RHOBTB2: variants seen among roughly 807,000 people sequenced by gnomAD.
RHOBTB2 encodes the protein rho-related BTB domain-containing protein 2.
Under a neutral mutation model 66.5 loss-of-function variants are expected in RHOBTB2, and 39 were observed. The ratio of observed to expected loss-of-function variants is 0.59; its 90% CI spans 0.45 to 0.77. RHOBTB2 has a LOEUF of 0.77. Ranked by LOEUF, RHOBTB2 falls within the 30% of genes least tolerant of loss-of-function variation. RHOBTB2 has a pLI of 0.00. For synonymous variants in RHOBTB2, 390 were observed against 395.0 expected (o/e 0.99, Z 0.15); for missense variants, 755 against 999.1 (o/e 0.76, Z 3.29).
rs1810960828 is a variant in RHOBTB2, at chr8:23,006,720, C to T, written c.483-8C>T. On this transcript the variant is annotated splice_polypyrimidine_tract_variant and splice_region_variant and intron_variant, in intron 4 of 9. Transcript: ENST00000251822. The surrounding 1 kb of genome is among the most constrained non-coding windows in gnomAD (Gnocchi z 6.1). ...ACACAAGCTTGGTTTCCTTCTTGAA[C>T]CTACCAGGCCCATCAAACCTAATGA... is the stretch of plus-strand genomic sequence containing the variant. 6.3e-7 allele frequency: 1 copy of T among 1,599,242 alleles called. No homozygotes were observed. The highest frequency in any genetic ancestry group is 8.5e-7 in the Non-Finnish European group (1 of 1,170,022).
At chr8:22,957,726 A>T in the RHOBTB2 span, among the ~76,000 whole-genome samples, 1 of 152,220 alleles carries the variant, frequency 6.6e-6, no homozygotes, top group African/African-American at 2.4e-5. Flanking sequence ...CAAAGCTTAT[A>T]TACCTTCTAA....
chr8:22,957,049 T>G, the RHOBTB2 span, among the ~76,000 whole-genome samples: 4 of 152,256 alleles, frequency 2.6e-5, no homozygotes, highest in Non-Finnish European at 1.5e-5. Flanking sequence ...CATCCTTAGT[T>G]AGCCCTAGTC....
At chr8:22,983,921 A>G (rs1398467915), upstream of RHOBTB2, among the ~76,000 whole-genome samples, 1 of 152,092 alleles carries the variant, frequency 6.6e-6, no homozygotes, top group African/African-American at 2.4e-5. Flanking sequence ...TTTTTAGTAG[A>G]GACGGGGTTT....
In RHOBTB2 at chr8:23,004,422, C is replaced by T. The variant is rs1243403806; in HGVS notation, c.-10-3C>T. 4 of 1,613,902 alleles carry T rather than the reference C, an allele frequency of 2.5e-6. No homozygotes were observed. The South Asian group carries it at 4.4e-5, about 18-fold the overall frequency. On this transcript the variant is annotated splice_region_variant and splice_polypyrimidine_tract_variant and intron_variant, in intron 1 of 9. Coordinates refer to ENST00000251822, the MANE Select transcript of RHOBTB2 (RefSeq NM_015178.3). The surrounding 1 kb of genome is among the most constrained non-coding windows in gnomAD (Gnocchi z 6.4). ...TCCTGACCGCCTCCCTCCTCTCCCT[C>T]AGGTCCCGTTTAATGGATTCTGACA...
Position 23,007,129 on chromosome 8 carries a change from T to C in RHOBTB2, c.884T>C (p.Leu295Pro). 1 of 1,609,248 alleles carries C rather than the reference T, an allele frequency of 6.2e-7. No individual in the cohort carries two copies. The change falls in exon 5 of 10, where the codon CTG (leucine) becomes CCG (proline). Residue 295 changes from leucine (L) to proline (P), a missense_variant. By Grantham distance (98) the Leu-to-Pro change is moderately conservative (BLOSUM62 -3). This residue lies in a region of RHOBTB2 where 247 missense variants were observed against 238.9 expected (regional missense o/e 1.03). Coordinates refer to ENST00000251822, the MANE Select transcript of RHOBTB2 (RefSeq NM_015178.3). ...ACCTCTTCCTCCAAGTTCTATGACC[T>C]GTTCCTCATGGACCTGAGTGAGGGG... ...LSTSSSKFYD[L>P]FLMDLSEGEL...
At chr8:22,979,688 G>C in the RHOBTB2 span, among the ~76,000 whole-genome samples, 4 of 149,218 alleles carry the variant, frequency 2.7e-5, no homozygotes, top group Admixed American at 6.6e-5. Context: ...CAAATTATGG[G>C]AATTCTTTTT....
In RHOBTB2 at chr8:23,006,672, C is replaced by G. The variant is rs1810959031; in HGVS notation, c.483-56C>G. ...AGAGTCCCTCCAGCCTGTGGAAGAACAGGCAGCCTCCCTCCACCACCAACA... is the reference window on the plus strand; with the variant it reads ...AGAGTCCCTCCAGCCTGTGGAAGAAGAGGCAGCCTCCCTCCACCACCAACA... On this transcript the variant is annotated intron_variant, in intron 4 of 9. Transcript: ENST00000251822. The surrounding 1 kb of genome is among the most constrained non-coding windows in gnomAD (Gnocchi z 6.1). The G allele has an allele frequency of 6.6e-7, 1 of 1,520,468 alleles. No individual in the cohort carries two copies. Among genetic ancestry groups the G allele is most frequent in the South Asian group, 1.2e-5 (1 of 80,670 alleles). 94.2% of individuals were successfully genotyped at this position (1,520,468 alleles called of 1,614,324 possible).
At chr8:22,987,250 C>T (rs1000241315), upstream of RHOBTB2, among the ~76,000 whole-genome samples, 1 of 152,158 alleles carries the variant, frequency 6.6e-6, no homozygotes, top group Non-Finnish European at 1.5e-5. Context: ...GCTCACCTGG[C>T]CAAAGATGGG....
chr8:22,986,803 C>A (rs187206823), upstream of RHOBTB2, among the ~76,000 whole-genome samples: 2 of 152,294 alleles, frequency 1.3e-5, no homozygotes, highest in African/African-American at 4.8e-5. Flanking sequence ...GCATAATGGC[C>A]AGTCTAGATT....
intron 3 of RHOBTB2, among the ~76,000 whole-genome samples, 173 bp downstream of exon 3, chr8:23,005,648 G>T (rs1810925774): frequency 6.6e-6 from 1 of 152,188 alleles, no homozygotes; most frequent in Admixed American, 6.5e-5. Context: ...GGGAGCCTGG[G>T]TCCGGGATCA....
At chr8:22,987,482 C>T (rs1054013232) in exon 1 of RHOBTB2, 1 of 152,358 alleles carries the variant, frequency 6.6e-6, no homozygotes, top group Non-Finnish European at 1.5e-5. Flanking sequence ...TGTGTTGTTT[C>T]TTCCTGCAGA....
chr8:22,988,677 A>G (rs2128795662), intron 1 of RHOBTB2, among the ~76,000 whole-genome samples: 1 of 152,246 alleles, frequency 6.6e-6, no homozygotes, highest in Non-Finnish European at 1.5e-5. Context: ...GGCTTACTGT[A>G]GGAATTCCTT....
the RHOBTB2 span, among the ~76,000 whole-genome samples, chr8:22,979,742 C>CTTTTTTTTTTTTTTTTTT: frequency 4.8e-5 from 4 of 84,094 alleles, no homozygotes; most frequent in Admixed American, 1.4e-4. Context: ...TCTTTTCTTT[C>CTTTTTTTTTTTTTTTTTT]TTTTTTTTTT....
At chr8:22,959,158 G>C in the RHOBTB2 span, among the ~76,000 whole-genome samples, 8 of 152,326 alleles carry the variant, frequency 5.3e-5, no homozygotes, top group African/African-American at 1.9e-4. Flanking sequence ...GCCTGCCATA[G>C]CATTCTCCCT....
Position 23,007,736 on chromosome 8 carries a change from C to T in RHOBTB2, c.1491C>T (p.Gly497=). Residue 497 remains glycine (G), a synonymous_variant, in exon 5 of 10, where the codon GGC becomes GGT. Transcript: ENST00000251822. The stretch of plus-strand genomic sequence containing the variant: ...GGGTTAAGGAGTGCTTGGCAAAAGG[C>T]ACCTTCTCAGGTATGGAACAGGCTT... The part of the protein sequence containing the change: ...TNRVKECLAK[G]TFSDVTFILD... 2 of 1,613,420 alleles carry T rather than the reference C, an allele frequency of 1.2e-6. No individual in the cohort carries two copies. The highest frequency in any genetic ancestry group is 2.2e-5 in the East Asian group (1 of 44,858).
rs1810883064 is a variant in RHOBTB2 at position 23,004,383 on chromosome 8, G to A, written c.-10-42G>A. The A allele has an allele frequency of 6.4e-7, 1 of 1,567,120 alleles. No homozygotes were observed. Among genetic ancestry groups the A allele is most frequent in the Non-Finnish European group, 8.8e-7 (1 of 1,138,068 alleles). On this transcript the variant is annotated intron_variant, in intron 1 of 9. Coordinates refer to ENST00000251822, the MANE Select transcript of RHOBTB2 (RefSeq NM_015178.3). This position sits in a 1 kb window ranked among gnomAD's most constrained non-coding sequence, Gnocchi z 6.4. ...TGCTGGCCCTGGCCCACGGCGAGCTGGCATGCCATGCCGTCCTGACCGCCT... is the reference window on the plus strand; with the variant it reads ...TGCTGGCCCTGGCCCACGGCGAGCTAGCATGCCATGCCGTCCTGACCGCCT...
the RHOBTB2 span, among the ~76,000 whole-genome samples, chr8:22,956,871 G>A: frequency 6.6e-6 from 1 of 152,140 alleles, no homozygotes; most frequent in African/African-American, 2.4e-5. Context: ...TGTTGGTCAG[G>A]CTGGTCTTGA....
the RHOBTB2 span, among the ~76,000 whole-genome samples, chr8:22,955,564 C>CTTTTT: frequency 6.7e-5 from 7 of 103,966 alleles, no homozygotes; most frequent in East Asian, 3.3e-4. Context: ...TTCAATAAAT[C>CTTTTT]TTTTTTTTTT....
At chr8:22,966,359 A>G in the RHOBTB2 span, among the ~76,000 whole-genome samples, 4 of 152,250 alleles carry the variant, frequency 2.6e-5, no homozygotes, top group African/African-American at 9.6e-5. Flanking sequence ...TCTCAAAAAA[A>G]AAGAAAAGAA....
Sources: gnomAD v4.1 joint callset for allele counts (sites outside exome capture counted in the v4.1 genomes callset) on GRCh38, gnomAD v4.1.1 for gene constraint, gnomAD v4.1.1 regional missense constraint, Gnocchi (gnomAD v3.1) non-coding constraint, MANE v1.5 for transcripts, NCBI Gene and HGNC (gene_info 2026-07-23, HGNC 2026-07-21) for gene names.